The following HACD1 variants were observed in gnomAD, a reference collection of about 807,000 sequenced individuals.
The protein encoded by HACD1 is 3-hydroxyacyl-CoA dehydratase 1.
A neutral mutation model predicts 32.0 loss-of-function variants in HACD1; 41 were observed. That is an observed-to-expected ratio of 1.28 (90% CI 1.00 to 1.66). The LOEUF (loss-of-function observed/expected upper bound fraction) is 1.66. HACD1 is among the 40% of genes most tolerant of loss of function. HACD1 has a pLI of 0.00. For missense variants in HACD1, 396 were observed against 380.1 expected, an observed-to-expected ratio of 1.04 and a Z score of -0.35; for synonymous variants, 142 against 139.0, an observed-to-expected ratio of 1.02 and a Z score of -0.15.
At chr10:17,609,258 A>G (rs1834194245) in intron 1 of HACD1, among the ~76,000 whole-genome samples, 1 of 148,392 alleles carries the variant, frequency 6.7e-6, no homozygotes, top group Admixed American at 6.8e-5. Context: ...GGTTCATACC[A>G]TTCTCCTGCC....
At chr10:17,590,547 C>CAT (rs1270252811) in intron 6 of HACD1, 101 bp from the exon 7 acceptor site, 1 of 754,496 alleles carries the variant, frequency 1.3e-6, no homozygotes, top group Non-Finnish European at 2.1e-6. Flanking sequence ...AAATACATCC[C>CAT]ATACCACTGC....
chr10:17,603,513 A>C (rs1554816724), intron 4 of HACD1, 47 bp downstream of exon 4: 1 of 1,471,634 alleles, frequency 6.8e-7, no homozygotes, highest in Non-Finnish European at 9.4e-7. Flanking sequence ...CTATGAATGG[A>C]AAGCTTTCCT....
Position 17,594,245 on chromosome 10 carries a change from G to A in HACD1, c.744C>T (p.Tyr248=). The change falls in exon 6 of 7, where the codon TAC becomes TAT. Residue 248 remains tyrosine (Y), a synonymous_variant. Transcript: ENST00000361271. Reference sequence around the variant, plus strand: ...CCATGGTTATAAGAAGAAAATAATAGTAGTCAAAAGAGACATTGTATTTGT... The same window carrying A: ...CCATGGTTATAAGAAGAAAATAATAATAGTCAAAAGAGACATTGTATTTGT... ...LPNKYNVSFD[Y]YYFLLITMAS... is the part of the protein sequence containing the mutation. The A allele has an allele frequency of 1.3e-6, 2 of 1,587,820 alleles. No individual in the cohort carries two copies. The highest frequency in any genetic ancestry group is 1.7e-6 in the Non-Finnish European group (2 of 1,167,952).
chr10:17,595,820 C>T (rs1833988627), intron 5 of HACD1, among the ~76,000 whole-genome samples: 1 of 151,680 alleles, frequency 6.6e-6, no homozygotes, highest in African/African-American at 2.4e-5. Context: ...GACCCCGTCT[C>T]ACAAAAAAAA....
intron 4 of HACD1, 116 bp downstream of exon 4, chr10:17,603,444 C>T: frequency 1.0e-6 from 1 of 969,592 alleles, no homozygotes; most frequent in Non-Finnish European, 1.5e-6. Flanking sequence ...TCAAACCCAA[C>T]TCCTTTTTGT....
At position 17,617,085 on chromosome 10, in the gene HACD1, C is replaced by T; in HGVS notation, c.255G>A (p.Ala85=). The T allele has an allele frequency of 2.0e-6, 3 of 1,485,182 alleles. No individual in the cohort carries two copies. Among genetic ancestry groups the T allele is most frequent in the Non-Finnish European group, 1.8e-6 (2 of 1,120,908 alleles). 92.0% of individuals were successfully genotyped at this position (1,485,182 alleles called of 1,614,324 possible). The change falls in exon 1 of 7, where the codon GCG becomes GCA. Residue 85 remains alanine, a splice_region_variant and synonymous_variant. Coordinates refer to ENST00000361271, the MANE Select transcript of HACD1 (RefSeq NM_014241.4). The part of the protein sequence containing the change: ...WLTFYDIAMT[A]GWLVLAIAMV... The stretch of plus-strand genomic sequence containing the variant: ...AGGGTGCCCCGCGGCGCGCGTACCC[C>T]GCGGTCATGGCGATGTCGTAGAAGG...
In HACD1 at chr10:17,617,159, C is replaced by A. The variant is rs1554818222; in HGVS notation, c.181G>T (p.Ala61Ser). The A allele has an allele frequency of 6.6e-7, 1 of 1,505,252 alleles. No individual in the cohort carries two copies. Among genetic ancestry groups the A allele is most frequent in the East Asian group, 2.8e-5 (1 of 35,940 alleles). 93.2% of individuals were successfully genotyped at this position (1,505,252 alleles called of 1,614,324 possible). ...CCCAGGCGCCTCCGCTCGCCGGGAG[C>A]CTCCCGGTCCTCGCCGGCCTCCGAG... is the stretch of plus-strand genomic sequence containing the variant. Reference protein sequence around the residue: ...GASEAGEDREAPGERRRLGVL... With the variant: ...GASEAGEDRESPGERRRLGVL... The change falls in exon 1 of 7, where the codon GCT becomes TCT. Residue 61 changes from alanine (A) to serine (S), a missense_variant. Transcript: ENST00000361271.
At chr10:17,599,181 C>A in intron 5 of HACD1, 109 bp downstream of exon 5, 1 of 1,512,604 alleles carries the variant, frequency 6.6e-7, no homozygotes, top group South Asian at 1.3e-5. Context: ...CCTCCTATAA[C>A]AGCATTCTGG....
In HACD1 at chr10:17,608,774, G is replaced by A. The variant is rs182676983; in HGVS notation, c.258-4727C>T. Among the ~76,000 whole-genome samples the A allele has an allele frequency of 7.9e-5, 12 of 152,072 alleles. No individual in the cohort carries two copies. In the East Asian group the frequency reaches 1.2e-3, roughly 15 times the overall value. On this transcript the variant is annotated intron_variant, in intron 1 of 6. Coordinates refer to ENST00000361271, the MANE Select transcript of HACD1 (RefSeq NM_014241.4). ...AGTACTGGGGTTACAGACGTGAGCC[G>A]CCACGTCTGGCCCATACTTTCATAT...
chr10:17,594,695 T>C (rs1280067759), intron 5 of HACD1, among the ~76,000 whole-genome samples: 11 of 152,142 alleles, frequency 7.2e-5, no homozygotes, highest in African/African-American at 2.4e-4. Context: ...TGTTTTGAGA[T>C]GGAGTTCGCT....
chr10:17,595,924 G>T (rs1776861298), intron 5 of HACD1, among the ~76,000 whole-genome samples: 1 of 151,870 alleles, frequency 6.6e-6, no homozygotes, highest in African/African-American at 2.4e-5. Context: ...AGGTCAAGGG[G>T]GCAGTGAGCC....
intron 1 of HACD1, among the ~76,000 whole-genome samples, chr10:17,605,258 C>T (rs1834129128): frequency 6.6e-6 from 1 of 152,164 alleles, no homozygotes; most frequent in African/African-American, 2.4e-5. Flanking sequence ...GGTGCAGTGG[C>T]TCACACCTGC....
rs150586011 is a variant in HACD1 at position 17,604,018 on chromosome 10, C to T, written c.287G>A (p.Arg96His). 1.6e-4 allele frequency: 251 copies of T among 1,593,750 alleles called. No individual in the cohort carries two copies. Among genetic ancestry groups the T allele is most frequent in the Middle Eastern group, 3.4e-4 (2 of 5,946 alleles). ...GTGTGTTCCTTTTTCCATATAAAAA[C>T]GTACCATGGCAATAGCTAGAACCAA... is the stretch of plus-strand genomic sequence containing the variant. Reference protein sequence around the residue: ...GWLVLAIAMVRFYMEKGTHRG... With the variant: ...GWLVLAIAMVHFYMEKGTHRG... The change falls in exon 2 of 7, where the codon CGT becomes CAT. Residue 96 changes from arginine to histidine, a missense_variant. By Grantham distance (29) the Arg-to-His change is conservative. Transcript: ENST00000361271.
chr10:17,597,171 CAG>C (rs782794415), intron 5 of HACD1, among the ~76,000 whole-genome samples: 20 of 152,248 alleles, frequency 1.3e-4, no homozygotes, highest in Non-Finnish European at 2.6e-4. Context: ...TCTTTTGAGA[CAG>C]AGTCACGCTG....
At chr10:17,616,803 C>T (rs1480970641) in intron 1 of HACD1, among the ~76,000 whole-genome samples, 1 of 152,100 alleles carries the variant, frequency 6.6e-6, no homozygotes, top group East Asian at 1.9e-4. Context: ...GCAGCAGCCA[C>T]CTCCCCCGCG....
At chr10:17,603,339 G>T in intron 4 of HACD1, 1 of 439,404 alleles carries the variant, frequency 2.3e-6, no homozygotes, top group Non-Finnish European at 4.0e-6. Context: ...TATCAAAGGA[G>T]AATATATTAC....
At chr10:17,608,368 T>C (rs1370374560) in intron 1 of HACD1, among the ~76,000 whole-genome samples, 1 of 152,186 alleles carries the variant, frequency 6.6e-6, no homozygotes, top group African/African-American at 2.4e-5. Flanking sequence ...CTGATGATCA[T>C]TGGCTAGATC....
intron 1 of HACD1, among the ~76,000 whole-genome samples, chr10:17,605,540 A>G (rs1417449523): frequency 1.6e-4 from 25 of 151,662 alleles, no homozygotes; most frequent in Admixed American, 5.3e-4. Flanking sequence ...AAAAAAAAAA[A>G]AAGTCATCAA....
At chr10:17,593,867 A>G (rs575882703) in intron 6 of HACD1, among the ~76,000 whole-genome samples, 17 of 152,354 alleles carry the variant, frequency 1.1e-4, no homozygotes, top group Admixed American at 7.2e-4. Context: ...ACTCAGACAT[A>G]TAATTCTAAA....
Sources: gnomAD v4.1 joint callset for allele counts (sites outside exome capture counted in the v4.1 genomes callset) on GRCh38, gnomAD v4.1.1 for gene constraint, MANE v1.5 for transcripts, NCBI Gene and HGNC (gene_info 2026-07-23, HGNC 2026-07-21) for gene names.